Variants in GNB1 observed in about 807,000 individuals in gnomAD.
GNB1 encodes the protein guanine nucleotide-binding protein G(I)/G(S)/G(T) subunit beta-1.
A neutral mutation model predicts 42.9 loss-of-function variants in GNB1; 2 were observed. That is an observed-to-expected ratio of 0.05 (90% confidence interval 0.02 to 0.15). The LOEUF is 0.15. GNB1 is among the 10% of genes least tolerant of loss of function. The pLI is 1.00. For synonymous variants in GNB1, 183 were observed against 174.7 expected (o/e 1.05, Z -0.38); for missense variants, 193 against 462.2 (o/e 0.42, Z 5.34).
At chr1:1,862,862 G>A (rs533657135) in intron 1 of GNB1, among the ~76,000 whole-genome samples, 2 of 152,274 alleles carry the variant, frequency 1.3e-5, no homozygotes, top group Non-Finnish European at 2.9e-5. Context: ...TCACACCTTG[G>A]AGACTCTTAG....
Position 1,860,468 on chromosome 1 carries a change from A to T in GNB1, c.-95-21230T>A, listed in dbSNP as rs974471149. Among the ~76,000 whole-genome samples, 10 of 152,032 alleles carry T rather than the reference A, an allele frequency of 6.6e-5. No homozygotes were observed. In the East Asian group the frequency reaches 7.7e-4, roughly 12 times the overall value. ...ATTAGTCAAAAAATAAATAAATAAA[A>T]ACAAACAAACAAAAAAAAATTAGCC... On this transcript the variant is annotated intron_variant, in intron 1 of 11. Transcript: ENST00000378609.
chr1:1,808,000 C>T (rs1172340925), intron 5 of GNB1, among the ~76,000 whole-genome samples: 13 of 151,740 alleles, frequency 8.6e-5, no homozygotes, highest in African/African-American at 2.4e-4. Flanking sequence ...GGAGCCACCA[C>T]GCCCGGCCTC....
At chr1:1,844,876 A>G (rs1459841400) in intron 1 of GNB1, among the ~76,000 whole-genome samples, 5 of 152,172 alleles carry the variant, frequency 3.3e-5, no homozygotes, top group African/African-American at 9.7e-5. Context: ...AAAAGTCTAT[A>G]TTCCGGAAAA....
At chr1:1,811,053 T>G (rs1369334920) in intron 5 of GNB1, among the ~76,000 whole-genome samples, 1 of 149,512 alleles carries the variant, frequency 6.7e-6, no homozygotes, top group African/African-American at 2.5e-5. Flanking sequence ...ATGCGCATGT[T>G]TGTGGGTATA....
chr1:1,885,063 G>A (rs1284025151), intron 1 of GNB1, among the ~76,000 whole-genome samples: 2 of 151,892 alleles, frequency 1.3e-5, no homozygotes, highest in Non-Finnish European at 2.9e-5. Context: ...TTGGAGCAAT[G>A]AATTATTAAA....
In GNB1 at chr1:1,790,496, C is replaced by T. The variant is rs950679231; in HGVS notation, c.598G>A (p.Val200Ile). 3 of 1,612,486 alleles carry T rather than the reference C, an allele frequency of 1.9e-6. No homozygotes were observed. Among genetic ancestry groups the T allele is most frequent in the South Asian group, 1.1e-5 (1 of 91,030 alleles). The change falls in exon 9 of 12, where the codon GTC (valine) becomes ATC (isoleucine). Residue 200 changes from valine (V) to isoleucine (I), a missense_variant. Around this residue, in one of 2 missense-constraint regions of GNB1, gnomAD observed 150 missense variants for 410.8 expected, o/e 0.37. Transcript: ENST00000378609. The surrounding 1 kb of genome is among the most constrained non-coding windows in gnomAD (Gnocchi z 5.4). ...GCTGAAGCATCACAAGCACCAGAGA[C>T]GAACAGTCTGGTGTCAGGAGCAAGA... is the stretch of plus-strand genomic sequence containing the variant. ...LSLAPDTRLF[V>I]SGACDASAKL... is the part of the protein sequence containing the mutation.
Position 1,785,721 on chromosome 1 carries a change from G to A in GNB1, c.*1342C>T, listed in dbSNP as rs1418189210. The A allele has an allele frequency of 2.0e-5, 7 of 342,756 alleles. No individual in the cohort carries two copies. Among genetic ancestry groups the A allele is most frequent in the African/African-American group, 6.3e-5 (3 of 47,598 alleles). 21.2% of individuals were successfully genotyped at this position (342,756 alleles called of 1,614,324 possible). A position where few individuals can be genotyped will look rare whatever the true frequency, so the allele number is the denominator to read the frequency against. Reference sequence around the variant, plus strand: ...GGAGGGCCCTGAAGAATCCATATAGGAGGGCAGGCTCTTCACTCCCTCTCC... The same window carrying A: ...GGAGGGCCCTGAAGAATCCATATAGAAGGGCAGGCTCTTCACTCCCTCTCC... On this transcript the variant is annotated 3_prime_UTR_variant, in exon 12 of 12. Coordinates refer to ENST00000378609, the MANE Select transcript of GNB1 (RefSeq NM_002074.5).
At chr1:1,841,698 A>ATT (rs1557919315) in intron 1 of GNB1, among the ~76,000 whole-genome samples, 13 of 152,224 alleles carry the variant, frequency 8.5e-5, no homozygotes, top group African/African-American at 3.1e-4. Context: ...TCATTTACTT[A>ATT]AAGTAGTTTC....
At position 1,881,695 on chromosome 1, in the gene GNB1, C is replaced by T. The variant is rs140822353; in HGVS notation, c.-96+9125G>A. On this transcript the variant is annotated intron_variant, in intron 1 of 11. Coordinates refer to ENST00000378609, the MANE Select transcript of GNB1 (RefSeq NM_002074.5). Reference sequence around the variant, plus strand: ...GATTACAGGCATAAGCCACTGTGCCCGGCCTCAAGGTAAAAGCTCTTTATC... The same window carrying T: ...GATTACAGGCATAAGCCACTGTGCCTGGCCTCAAGGTAAAAGCTCTTTATC... Among the ~76,000 whole-genome samples, 547 of 152,290 alleles carry T rather than the reference C, an allele frequency of 3.6e-3. 9 individuals are homozygous for T. The highest frequency in any genetic ancestry group is 0.022 in the Admixed American group (338 of 15,282).
chr1:1,824,571 A>C (rs1200289199), intron 3 of GNB1, among the ~76,000 whole-genome samples: 1 of 151,982 alleles, frequency 6.6e-6, no homozygotes, highest in Non-Finnish European at 1.5e-5. Flanking sequence ...AAATAAATTT[A>C]TCTTCAATTT....
chr1:1,833,177 C>T (rs991042036), intron 2 of GNB1, among the ~76,000 whole-genome samples: 1 of 152,100 alleles, frequency 6.6e-6, no homozygotes, highest in Admixed American at 6.6e-5. Flanking sequence ...AAGTCCAAAC[C>T]GGCCCCAGTG....
chr1:1,786,208 G>C lies in GNB1; in HGVS notation c.*855C>G, dbSNP rs1321943437. On this transcript the variant is annotated 3_prime_UTR_variant, in exon 12 of 12. Transcript: ENST00000378609. ...CAGAGGTTCCTCCTAGTTGGGGGTG[G>C]GGTAGTGTTAGGCTATTATAAACTT... is the stretch of plus-strand genomic sequence containing the variant. 1 of 396,978 alleles carries C rather than the reference G, an allele frequency of 2.5e-6. No individual in the cohort carries two copies. The highest frequency in any genetic ancestry group is 4.4e-6 in the Non-Finnish European group (1 of 225,334). The allele number at this position is 396,978 out of a possible 1,614,324, so 24.6% of individuals were successfully genotyped here.
intron 3 of GNB1, chr1:1,825,065 C>T (rs1210458901): frequency 1.9e-5 from 4 of 215,438 alleles, no homozygotes; most frequent in East Asian, 2.1e-4. Context: ...TCCCAATATT[C>T]AGGGGAGGGA....
At chr1:1,788,968 T>C (rs1436549618) in intron 10 of GNB1, 85 bp downstream of exon 10, 2 of 971,108 alleles carry the variant, frequency 2.1e-6, no homozygotes, top group South Asian at 2.8e-5. Flanking sequence ...ACTAAAACAC[T>C]GCAGCTTATG....
chr1:1,858,262 T>G (rs1189668764), intron 1 of GNB1, among the ~76,000 whole-genome samples: 1 of 152,238 alleles, frequency 6.6e-6, no homozygotes, highest in Non-Finnish European at 1.5e-5. Flanking sequence ...CACTTGTTAT[T>G]CTGACAAGTC....
Position 1,789,088 on chromosome 1 carries a change from C to G in GNB1, c.881G>C (p.Cys294Ser). 6.2e-7 allele frequency: 1 copy of G among 1,614,164 alleles called. No individual in the cohort carries two copies. The highest frequency in any genetic ancestry group is 8.5e-7 in the Non-Finnish European group (1 of 1,179,996). ...GGCTTTGAGTGCATCCCAGACGTTG[C>G]AGTTGAAGTCGTCGTACCCAGCAAG... ...LLLAGYDDFNCNVWDALKADR... is the reference protein window; with the variant it reads ...LLLAGYDDFNSNVWDALKADR... The change falls in exon 10 of 12, where the codon TGC (cysteine) becomes TCC (serine). Residue 294 changes from cysteine (C) to serine (S), a missense_variant. Physicochemically the swap from Cys to Ser is moderately radical, Grantham distance 112. Transcript: ENST00000378609.
At chr1:1,842,745 A>G (rs1647296141) in intron 1 of GNB1, among the ~76,000 whole-genome samples, 1 of 152,224 alleles carries the variant, frequency 6.6e-6, no homozygotes, top group Non-Finnish European at 1.5e-5. Context: ...TAAATGTACT[A>G]AACGGCACCG....
chr1:1,819,032 T>C (rs1396378106), intron 3 of GNB1, among the ~76,000 whole-genome samples: 1 of 152,078 alleles, frequency 6.6e-6, no homozygotes, highest in Non-Finnish European at 1.5e-5. Flanking sequence ...GTAGGCACTG[T>C]GAAGGGATCC....
intron 1 of GNB1, among the ~76,000 whole-genome samples, chr1:1,862,438 T>C (rs1215932129): frequency 6.6e-6 from 1 of 152,070 alleles, no homozygotes; most frequent in South Asian, 2.1e-4. Flanking sequence ...CTAAGTCTAT[T>C]ACCCGGTAGT....
Sources: gnomAD v4.1 joint callset for allele counts (sites outside exome capture counted in the v4.1 genomes callset) on GRCh38, gnomAD v4.1.1 for gene constraint, gnomAD v4.1.1 regional missense constraint, Gnocchi (gnomAD v3.1) non-coding constraint, MANE v1.5 for transcripts, NCBI Gene and HGNC (gene_info 2026-07-23, HGNC 2026-07-21) for gene names.